KDM2B: variants seen among roughly 807,000 people sequenced by gnomAD.
KDM2B encodes the protein lysine demethylase 2B, also known as lysine-specific demethylase 2B.
In KDM2B, 26 loss-of-function variants were observed where a neutral mutation model predicts 150.0. The observed-to-expected ratio is 0.17, with a 90% CI of 0.13 to 0.24. The LOEUF is 0.24. Ranked by LOEUF, KDM2B falls within the 10% of genes least tolerant of loss-of-function variation. The probability of loss-of-function intolerance (pLI) is 1.00; values close to 1 mark genes in which losing one functional copy is unlikely to be tolerated. For synonymous variants in KDM2B, 734 were observed against 729.5 expected (o/e 1.01, Z -0.10); for missense variants, 1,265 against 1,816.9 (o/e 0.70, Z 5.52).
chr12:121,566,891 C>CT (rs1228127131), intron 4 of KDM2B, among the ~76,000 whole-genome samples: 1 of 150,144 alleles, frequency 6.7e-6, no homozygotes, highest in Non-Finnish European at 1.5e-5. Context: ...GTTTTTTTTT[C>CT]TTTTTTTTGA....
At chr12:121,413,128 C>T in the KDM2B span, among the ~76,000 whole-genome samples, 1 of 142,576 alleles carries the variant, frequency 7.0e-6, no homozygotes, top group Non-Finnish European at 1.5e-5. Flanking sequence ...CCGGTTCAAG[C>T]GATTCTCCTG....
downstream of KDM2B, among the ~76,000 whole-genome samples, chr12:121,424,982 A>G (rs1426072718): frequency 2.0e-5 from 3 of 152,204 alleles, no homozygotes; most frequent in African/African-American, 7.2e-5. Context: ...CTCTGATGCC[A>G]GAGTTGCTCT....
chr12:121,467,453 T>C lies in KDM2B; in HGVS notation c.1735-14109A>G, dbSNP rs1388537796. On this transcript the variant is annotated intron_variant, in intron 12 of 22. Coordinates refer to ENST00000377071, the MANE Select transcript of KDM2B (RefSeq NM_032590.5). This position sits in a 1 kb window ranked among gnomAD's most constrained non-coding sequence, Gnocchi z 5.1. ...TGCATGAGGCGAGCCAGGAAGGGGCTGGCCCCCCGGGCGGGCGGGCCAATG... is the reference window on the plus strand; with the variant it reads ...TGCATGAGGCGAGCCAGGAAGGGGCCGGCCCCCCGGGCGGGCGGGCCAATG... 1 of 694,972 alleles carries C rather than the reference T, an allele frequency of 1.4e-6. No homozygotes were observed. The highest frequency in any genetic ancestry group is 1.8e-6 in the Non-Finnish European group (1 of 567,674). 43.1% of individuals were successfully genotyped at this position (694,972 alleles called of 1,614,324 possible).
intron 13 of KDM2B, among the ~76,000 whole-genome samples, chr12:121,450,271 G>A (rs563409629): frequency 2.4e-4 from 36 of 150,034 alleles, no homozygotes; most frequent in Non-Finnish European, 1.0e-4. Flanking sequence ...CCGAGACTGC[G>A]CCACTGCACT....
chr12:121,541,395 CA>C (rs59029432), intron 6 of KDM2B, among the ~76,000 whole-genome samples: 4,712 of 29,286 alleles, frequency 0.16, 43 homozygotes, highest in South Asian at 0.26. Context: ...GCCCCTGTCT[CA>C]AAAAAAAAAA....
chr12:121,558,407 CAGA>C (rs1890056532), intron 4 of KDM2B, among the ~76,000 whole-genome samples: 1 of 151,808 alleles, frequency 6.6e-6, no homozygotes, highest in African/African-American at 2.4e-5. Flanking sequence ...CGGCTCAACA[CAGA>C]AGGACAGACA....
At chr12:121,510,601 T>C (rs1555303830) in intron 10 of KDM2B, among the ~76,000 whole-genome samples, 1 of 152,086 alleles carries the variant, frequency 6.6e-6, no homozygotes, top group Non-Finnish European at 1.5e-5. Context: ...GAGACCAGAC[T>C]GAGAAACACA....
At chr12:121,489,843 C>G (rs1355092023) in intron 12 of KDM2B, among the ~76,000 whole-genome samples, 1 of 152,190 alleles carries the variant, frequency 6.6e-6, no homozygotes, top group Non-Finnish European at 1.5e-5. Flanking sequence ...CACAAGTCCC[C>G]CAGGTGAAGC....
intron 17 of KDM2B, 165 bp downstream of exon 17, chr12:121,443,514 GC>G (rs1317324430): frequency 1.6e-6 from 1 of 621,650 alleles, no homozygotes; most frequent in African/African-American, 1.8e-5. Context: ...GGCACAGACA[GC>G]TTCCCAGGCC....
intron 4 of KDM2B, among the ~76,000 whole-genome samples, chr12:121,551,451 T>C (rs144762841): frequency 3.6e-4 from 54 of 151,602 alleles, no homozygotes; most frequent in African/African-American, 1.3e-3. Flanking sequence ...GCTCGAGGGA[T>C]CCTCCAGCCT....
At chr12:121,570,617 T>C (rs1891024985) in intron 4 of KDM2B, among the ~76,000 whole-genome samples, 1 of 152,172 alleles carries the variant, frequency 6.6e-6, no homozygotes, top group Non-Finnish European at 1.5e-5. Flanking sequence ...TTCAATCAAA[T>C]GACCTCACTG....
At chr12:121,491,375 A>G (rs1371705568) in intron 12 of KDM2B, among the ~76,000 whole-genome samples, 4 of 151,984 alleles carry the variant, frequency 2.6e-5, no homozygotes, top group African/African-American at 9.7e-5. Flanking sequence ...GGGAGTGCCC[A>G]GGAGTTTCAG....
chr12:121,497,272 G>C (rs1884067369), intron 11 of KDM2B, among the ~76,000 whole-genome samples: 1 of 152,136 alleles, frequency 6.6e-6, no homozygotes, highest in South Asian at 2.1e-4. Flanking sequence ...GACTAACCTA[G>C]AGTAAGCTTC....
At chr12:121,476,097 C>T (rs529298242) in intron 12 of KDM2B, among the ~76,000 whole-genome samples, 1 of 141,802 alleles carries the variant, frequency 7.1e-6, no homozygotes, top group Admixed American at 7.2e-5. Context: ...GAGTTCAAGA[C>T]CAGCCTGGCC....
At chr12:121,410,545 CAAAA>C in the KDM2B span, among the ~76,000 whole-genome samples, 3 of 137,688 alleles carry the variant, frequency 2.2e-5, no homozygotes, top group African/African-American at 5.4e-5. Flanking sequence ...TCAAAACCAC[CAAAA>C]AAAAAAAAAT....
Position 121,510,563 on chromosome 12 carries a change from C to T in KDM2B, c.1175-524G>A, listed in dbSNP as rs545531680. On this transcript the variant is annotated intron_variant, in intron 10 of 22. Coordinates refer to ENST00000377071, the MANE Select transcript of KDM2B (RefSeq NM_032590.5). ...ATCCCTACACTTTGAGGGGCCTAGG[C>T]GAGTGGATTGCTTGAGCCCAGGAGT... Among the ~76,000 whole-genome samples, 40 of 152,188 alleles carry T rather than the reference C, an allele frequency of 2.6e-4. No homozygotes were observed. In the South Asian group the frequency reaches 7.7e-3, roughly 29 times the overall value.
At chr12:121,445,126 G>A (rs895002816) in intron 14 of KDM2B, 149 bp downstream of exon 14, 9 of 887,706 alleles carry the variant, frequency 1.0e-5, no homozygotes, top group South Asian at 3.3e-5. Flanking sequence ...CCTTGCCCCG[G>A]GCTTATCCCT....
rs1405528823 is a variant in KDM2B at position 121,537,554 on chromosome 12, C to T, written c.684-2964G>A. The T allele has an allele frequency of 2.0e-5, 3 of 152,236 alleles. No individual in the cohort carries two copies. Among genetic ancestry groups the T allele is most frequent in the Non-Finnish European group, 4.4e-5 (3 of 68,058 alleles). The allele number at this position is 152,236 out of a possible 1,614,324, so 9.4% of individuals were successfully genotyped here. On this transcript the variant is annotated intron_variant, in intron 6 of 22. Coordinates refer to ENST00000377071, the MANE Select transcript of KDM2B (RefSeq NM_032590.5). The surrounding 1 kb of genome is among the most constrained non-coding windows in gnomAD (Gnocchi z 8.7). ...TCCCGCCTGCCACGGCCGGGCCAGC[C>T]GGGGAGGAGGGCGGCAGGAGGGTTG...
chr12:121,443,964 G>C, intron 16 of KDM2B, 48 bp downstream of exon 16: 1 of 1,566,350 alleles, frequency 6.4e-7, no homozygotes, highest in Non-Finnish European at 8.7e-7. Context: ...CAGCACCCGG[G>C]ACCAGCCAGA....
Sources: gnomAD v4.1 joint callset for allele counts (sites outside exome capture counted in the v4.1 genomes callset) on GRCh38, gnomAD v4.1.1 for gene constraint, Gnocchi (gnomAD v3.1) non-coding constraint, MANE v1.5 for transcripts, NCBI Gene and HGNC (gene_info 2026-07-23, HGNC 2026-07-21) for gene names.